TTLL5: variants seen among roughly 807,000 people sequenced by gnomAD.
TTLL5 encodes the protein tubulin polyglutamylase TTLL5.
Under a neutral mutation model 168.4 loss-of-function variants are expected in TTLL5, and 132 were observed. That is an observed-to-expected ratio of 0.78 (90% CI 0.68 to 0.91). TTLL5 has a LOEUF of 0.91. TTLL5 is among the 40% of genes least tolerant of loss of function. The pLI, the probability that TTLL5 is intolerant of heterozygous loss-of-function variation, is 0.00. For missense variants in TTLL5, 1,545 were observed against 1,581.5 expected (o/e 0.98, Z 0.39); for synonymous variants, 546 against 558.6 (o/e 0.98, Z 0.32).
intron 15 of TTLL5, among the ~76,000 whole-genome samples, chr14:75,736,009 C>G (rs1379992417): frequency 6.6e-6 from 1 of 152,160 alleles, no homozygotes; most frequent in Middle Eastern, 3.2e-3. Flanking sequence ...GGTTTGATTG[C>G]TTTGCCTGCT....
At chr14:75,812,790 CT>C (rs1894131353) in intron 27 of TTLL5, among the ~76,000 whole-genome samples, 1 of 152,166 alleles carries the variant, frequency 6.6e-6, no homozygotes, top group Non-Finnish European at 1.5e-5. Context: ...GTAACAAGTG[CT>C]TCTCAAACTC....
At chr14:75,817,851 TTTTTGAGACGGAG>T in intron 27 of TTLL5, among the ~76,000 whole-genome samples, 1 of 143,558 alleles carries the variant, frequency 7.0e-6, no homozygotes, top group South Asian at 2.3e-4. Context: ...TTTTTTTTTT[TTTTTGAGACGGAG>T]TCTCACTCTG....
In TTLL5 at chr14:75,684,441, GTAGTTT is replaced by G. The variant is rs1368826063; in HGVS notation, c.371+786_371+791del. On this transcript the variant is annotated intron_variant, in intron 5 of 31. Transcript: ENST00000298832. ...CATAACAAATCCTTTTTGCATGATG[GTAGTTT>G]CTATTTCTTTGTTTTTAAAATAATT... The G allele has an allele frequency of 2.0e-5, 3 of 152,076 alleles. No individual in the cohort carries two copies. The East Asian group carries it at 5.8e-4, about 29-fold the overall frequency. The allele number at this position is 152,076 out of a possible 1,614,324, so 9.4% of individuals were successfully genotyped here.
At position 75,759,267 on chromosome 14, in the gene TTLL5, A is replaced by AG. The variant is rs1339513036; in HGVS notation, c.1551-5347dup. Among the ~76,000 whole-genome samples the AG allele has an allele frequency of 8.5e-5, 13 of 152,312 alleles. No homozygotes were observed. The East Asian group carries it at 2.5e-3, about 29-fold the overall frequency. On this transcript the variant is annotated intron_variant, in intron 18 of 31. Transcript: ENST00000298832. The stretch of plus-strand genomic sequence containing the variant: ...AGCAACTTTATTCCATTACTTTGAC[A>AG]GCTTAGTTGAAATGACAATTCTTTG...
At chr14:75,876,014 T>A (rs1446877883) in intron 29 of TTLL5, among the ~76,000 whole-genome samples, 1 of 152,202 alleles carries the variant, frequency 6.6e-6, no homozygotes, top group African/African-American at 2.4e-5. Flanking sequence ...GAAGGAGATA[T>A]GAAAGAAATG....
Position 75,745,396 on chromosome 14 carries a change from A to G in TTLL5, c.1396-94A>G, listed in dbSNP as rs1889541585. On this transcript the variant is annotated intron_variant, in intron 16 of 31. Transcript: ENST00000298832. ...TAATTTCTCCCTTCATGCTACTTTC[A>G]TATTCTTGGGTCATAACTATCTTCC... is the stretch of plus-strand genomic sequence containing the variant. The G allele has an allele frequency of 4.5e-6, 6 of 1,343,482 alleles. No individual in the cohort carries two copies. In the East Asian group the frequency reaches 9.3e-5, roughly 21 times the overall value. The allele number at this position is 1,343,482 out of a possible 1,614,324, so 83.2% of individuals were successfully genotyped here. A position where few individuals can be genotyped will look rare whatever the true frequency, so the allele number is the denominator to read the frequency against.
intron 7 of TTLL5, among the ~76,000 whole-genome samples, chr14:75,700,647 A>G (rs1321318759): frequency 6.6e-6 from 1 of 152,132 alleles, no homozygotes; most frequent in Non-Finnish European, 1.5e-5. Context: ...GGGTCTCTCA[A>G]GTTGTCGGCT....
intron 31 of TTLL5, among the ~76,000 whole-genome samples, chr14:75,922,907 G>T (rs538246875): frequency 1.1e-3 from 165 of 152,202 alleles, no homozygotes; most frequent in African/African-American, 3.9e-3. Context: ...CAATTTCAGA[G>T]CCTGTTATTG....
intron 31 of TTLL5, among the ~76,000 whole-genome samples, chr14:75,944,458 G>A (rs1308031540): frequency 6.6e-6 from 1 of 152,102 alleles, no homozygotes; most frequent in Non-Finnish European, 1.5e-5. Context: ...AACCCACGGA[G>A]CCTCCCTGCC....
chr14:75,707,624 T>G lies in TTLL5; in HGVS notation c.657T>G (p.Asp219Glu). The change falls in exon 9 of 32, where the codon GAT (aspartate) becomes GAG (glutamate). Residue 219 changes from aspartate to glutamate, a missense_variant and splice_region_variant. Asp to Glu is a conservative substitution (Grantham distance 45, BLOSUM62 2). Transcript: ENST00000298832. Reference protein sequence around the residue: ...RYINNPLLIDDFKFDVRLYVL... With the variant: ...RYINNPLLIDEFKFDVRLYVL... The stretch of plus-strand genomic sequence containing the variant: ...TGAATACAAACTTTTTTTTTTTAGA[T>G]TTCAAGTTTGACGTGCGCCTCTATG... 6.2e-7 allele frequency: 1 copy of G among 1,610,028 alleles called. No homozygotes were observed. Among genetic ancestry groups the G allele is most frequent in the South Asian group, 1.1e-5 (1 of 89,844 alleles).
intron 30 of TTLL5, among the ~76,000 whole-genome samples, chr14:75,894,989 T>C (rs1311181179): frequency 6.6e-6 from 1 of 152,230 alleles, no homozygotes; most frequent in East Asian, 1.9e-4. Context: ...TTGAATATAC[T>C]TCTGTCAGTA....
chr14:75,766,213 C>G lies in TTLL5; in HGVS notation c.1860C>G (p.Pro620=). ...FLRENQAKYT[P]SLTALVENTP... ...GAGAAAATCAAGCCAAATATACACC[C>G]TCATTGACAGCTTTGGTAGAAAATA... Residue 620 remains proline, a synonymous_variant, in exon 20 of 32, where the codon CCC becomes CCG. Coordinates refer to ENST00000298832, the MANE Select transcript of TTLL5 (RefSeq NM_015072.5). 6.2e-7 allele frequency: 1 copy of G among 1,614,024 alleles called. No homozygotes were observed. Among genetic ancestry groups the G allele is most frequent in the Non-Finnish European group, 8.5e-7 (1 of 1,179,992 alleles).
At chr14:75,880,735 C>T (rs1210336563) in intron 29 of TTLL5, among the ~76,000 whole-genome samples, 1 of 152,124 alleles carries the variant, frequency 6.6e-6, no homozygotes, top group Non-Finnish European at 1.5e-5. Flanking sequence ...TGTTGTAGAC[C>T]CTGTCCCAGA....
chr14:75,687,889 C>T (rs1259234593), intron 5 of TTLL5, among the ~76,000 whole-genome samples: 2 of 152,148 alleles, frequency 1.3e-5, no homozygotes, highest in African/African-American at 2.4e-5. Context: ...TACAAAGTAT[C>T]AGTATACCCG....
intron 28 of TTLL5, among the ~76,000 whole-genome samples, chr14:75,828,091 T>C (rs908175699): frequency 5.9e-5 from 9 of 152,196 alleles, no homozygotes; most frequent in African/African-American, 2.2e-4. Flanking sequence ...ATCTCAATGA[T>C]GTGACTATAA....
intron 28 of TTLL5, among the ~76,000 whole-genome samples, chr14:75,829,141 G>C (rs985155509): frequency 1.4e-4 from 22 of 152,198 alleles, no homozygotes; most frequent in Non-Finnish European, 1.3e-4. Flanking sequence ...ACTCTGGCTG[G>C]AGAAGCTGGC....
chr14:75,670,166 T>A (rs1883620436), intron 3 of TTLL5, among the ~76,000 whole-genome samples: 1 of 152,248 alleles, frequency 6.6e-6, no homozygotes, highest in South Asian at 2.1e-4. Context: ...CCACATTTTG[T>A]TTATCCAGTC....
In TTLL5 at chr14:75,729,615, A is replaced by G. The variant is rs1358492912; in HGVS notation, c.1043-2723A>G. ...TTTGAGGTGAGCTGGGTTTTGCACT[A>G]TGTTATAATGCTGTCACATACCAAT... On this transcript the variant is annotated intron_variant, in intron 12 of 31. Coordinates refer to ENST00000298832, the MANE Select transcript of TTLL5 (RefSeq NM_015072.5). Among the ~76,000 whole-genome samples, 9 of 152,226 alleles carry G rather than the reference A, an allele frequency of 5.9e-5. No homozygotes were observed. The South Asian group carries it at 1.9e-3, about 32-fold the overall frequency.
At chr14:75,755,356 A>G (rs1460055870) in intron 18 of TTLL5, among the ~76,000 whole-genome samples, 1 of 151,966 alleles carries the variant, frequency 6.6e-6, no homozygotes, top group Non-Finnish European at 1.5e-5. Flanking sequence ...TTACCTTTTT[A>G]GCCTAATTGT....
Sources: gnomAD v4.1 joint callset for allele counts (sites outside exome capture counted in the v4.1 genomes callset) on GRCh38, gnomAD v4.1.1 for gene constraint, MANE v1.5 for transcripts, NCBI Gene and HGNC (gene_info 2026-07-23, HGNC 2026-07-21) for gene names.